TRAPPC2L: variants seen among roughly 807,000 people sequenced by gnomAD.
The protein encoded by TRAPPC2L is trafficking protein particle complex subunit 2L.
Under a neutral mutation model 13.2 loss-of-function variants are expected in TRAPPC2L, and 17 were observed. That is an observed-to-expected ratio of 1.29 (90% CI 0.88 to 1.93). The LOEUF is 1.93. TRAPPC2L is among the 30% of genes most tolerant of loss of function. TRAPPC2L has a pLI of 0.00. For synonymous variants in TRAPPC2L, 150 were observed against 98.1 expected (o/e 1.53, Z -3.12); for missense variants, 359 against 252.1 (o/e 1.42, Z -2.87).
exon 4 of TRAPPC2L, chr16:88,861,844 C>A (rs1406378745): frequency 5.9e-6 from 2 of 338,972 alleles, no homozygotes; most frequent in Non-Finnish European, 1.2e-5. Flanking sequence ...GGGGGGTCAG[C>A]CTAGGGCAGG....
At chr16:88,856,581 A>AC (rs113289677), upstream of TRAPPC2L, 205,879 of 490,022 alleles carry the variant, frequency 0.42, 41,637 homozygotes, top group African/African-American at 0.66. Context: ...GCACGGGGAT[A>AC]CCCCCCGTCC....
chr16:88,856,426 G>C, upstream of TRAPPC2L: 1 of 700,992 alleles, frequency 1.4e-6, no homozygotes, highest in South Asian at 1.5e-5. Context: ...GGGAGGCAGG[G>C]CCCGGTAGCA....
rs946828508 is a variant in TRAPPC2L at position 88,858,855 on chromosome 16, A to G, written c.206+64A>G. On this transcript the variant is annotated intron_variant, in intron 2 of 3. Coordinates refer to ENST00000565504, the Ensembl canonical transcript of TRAPPC2L. Reference sequence around the variant, plus strand: ...CAGTTGCAAGATGTACTTTAGGATCAGATAACTTGAAACCTTTTAGAAGAA... The same window carrying G: ...CAGTTGCAAGATGTACTTTAGGATCGGATAACTTGAAACCTTTTAGAAGAA... 1.1e-5 allele frequency: 17 copies of G among 1,525,120 alleles called. No homozygotes were observed. In the African/African-American group the frequency reaches 2.2e-4, roughly 20 times the overall value. The allele number at this position is 1,525,120 out of a possible 1,614,324, so 94.5% of individuals were successfully genotyped here.
In TRAPPC2L at chr16:88,859,278, A is replaced by G. The variant is rs1039828760; in HGVS notation, c.207-385A>G. 29 of 583,534 alleles carry G rather than the reference A, an allele frequency of 5.0e-5. 1 individual carries two copies. In the Middle Eastern group the frequency reaches 2.6e-3, roughly 53 times the overall value. 36.1% of individuals were successfully genotyped at this position (583,534 alleles called of 1,614,324 possible). A position where few individuals can be genotyped will look rare whatever the true frequency, so the allele number is the denominator to read the frequency against. On this transcript the variant is annotated intron_variant, in intron 2 of 3. Coordinates refer to ENST00000565504, the Ensembl canonical transcript of TRAPPC2L. ...ATGGTGACATTTGCTAGTAGCCACT[A>G]TTTTACAAAATAATGTGGCCTCTAG...
chr16:88,857,545 C>T (rs1012819472), intron 1 of TRAPPC2L: 2 of 304,104 alleles, frequency 6.6e-6, no homozygotes, highest in East Asian at 5.6e-5. Flanking sequence ...GGCCCCGGCC[C>T]TCCTGCCAGT....
chr16:88,860,342 G>T (rs1474282230), exon 4 of TRAPPC2L: 1 of 674,462 alleles, frequency 1.5e-6, no homozygotes, highest in Admixed American at 2.2e-5. Context: ...TGTTGAATTT[G>T]GAACAGTCAG....
At chr16:88,858,633 C>T in exon 2 of TRAPPC2L, 1 of 1,613,004 alleles carries the variant, frequency 6.2e-7, no homozygotes, top group East Asian at 2.2e-5. Flanking sequence ...ACCCCCTCTA[C>T]ATTCGCAGCA....
exon 4 of TRAPPC2L, chr16:88,860,238 G>A (rs573284299): frequency 2.8e-6 from 2 of 702,758 alleles, no homozygotes; most frequent in African/African-American, 3.5e-5. Flanking sequence ...GGTGTGCCCA[G>A]TGGGTACCTG....
Position 88,860,973 on chromosome 16 carries a change from C to T in TRAPPC2L, c.*649C>T, listed in dbSNP as rs201159776. ...CAGGTGTGCTGAGTGAGCTGTGCTG[C>T]CAGCCATCGCAGAGGAGCCCGCGCA... On this transcript the variant is annotated 3_prime_UTR_variant, in exon 4 of 4. Coordinates refer to ENST00000565504, the Ensembl canonical transcript of TRAPPC2L. The T allele has an allele frequency of 2.1e-4, 335 of 1,579,474 alleles. 1 individual carries two copies. Among genetic ancestry groups the T allele is most frequent in the South Asian group, 3.1e-4 (27 of 86,346 alleles).
At chr16:88,856,525 C>T (rs1293461829), upstream of TRAPPC2L, 1 of 696,570 alleles carries the variant, frequency 1.4e-6, no homozygotes, top group Non-Finnish European at 2.6e-6. Context: ...GCCGAGACCC[C>T]ACGCCTGGAC....
exon 4 of TRAPPC2L, chr16:88,860,985 G>T (rs1046540): frequency 1.3e-6 from 2 of 1,571,244 alleles, no homozygotes; most frequent in African/African-American, 2.7e-5. Flanking sequence ...AGCCATCGCA[G>T]AGGAGCCCGC....
In TRAPPC2L at chr16:88,859,959, C is replaced by CAGTCCAGGTGGGCCCTACTTTCTGTGTCT. The variant is rs1555527143; in HGVS notation, c.361_362insAGTCCAGGTGGGCCCTACTTTCTGTGTCT (p.Arg121GlnfsTer28). On this transcript the variant is annotated frameshift_variant, in exon 4 of 4. Coordinates refer to ENST00000565504, the Ensembl canonical transcript of TRAPPC2L. LOFTEE classifies it low-confidence loss of function (END_TRUNC). The stretch of plus-strand genomic sequence containing the variant: ...CAACCCCTTCTACAACCCGGGGGAC[C>CAGTCCAGGTGGGCCCTACTTTCTGTGTCT]GCATCCAGTCCAGGTGGGCCCTACT... 1 of 1,526,908 alleles carries CAGTCCAGGTGGGCCCTACTTTCTGTGTCT rather than the reference C, an allele frequency of 6.5e-7. No individual in the cohort carries two copies. Among genetic ancestry groups the CAGTCCAGGTGGGCCCTACTTTCTGTGTCT allele is most frequent in the African/African-American group, 2.1e-5 (1 of 47,254 alleles). The allele number at this position is 1,526,908 out of a possible 1,614,324, so 94.6% of individuals were successfully genotyped here.
exon 4 of TRAPPC2L, chr16:88,859,899 C>T (rs781196424): frequency 6.3e-6 from 10 of 1,595,664 alleles, no homozygotes; most frequent in African/African-American, 2.7e-5. Context: ...TCAGATGTTC[C>T]GGAAGCTACA....
At chr16:88,856,301 C>A (rs763868270), upstream of TRAPPC2L, 47 of 702,764 alleles carry the variant, frequency 6.7e-5, no homozygotes, top group Non-Finnish European at 8.1e-5. Flanking sequence ...GGGAGTGATT[C>A]CTAGGGCGAC....
chr16:88,857,227 G>T (rs768250827), intron 1 of TRAPPC2L, 44 bp downstream of exon 1: 2 of 1,461,768 alleles, frequency 1.4e-6, no homozygotes, highest in Non-Finnish European at 1.8e-6. Flanking sequence ...CACCATCCTC[G>T]GCTCTCCGCT....
exon 4 of TRAPPC2L, chr16:88,860,244 A>T: frequency 1.4e-6 from 1 of 702,394 alleles, no homozygotes; most frequent in Non-Finnish European, 2.6e-6. Context: ...CCCAGTGGGT[A>T]CCTGGGGCAC....
chr16:88,857,532 G>T (rs1256588284), intron 1 of TRAPPC2L: 2 of 311,158 alleles, frequency 6.4e-6, no homozygotes, highest in African/African-American at 4.3e-5. Flanking sequence ...CCCCGCGGAC[G>T]GCGGCCCCGG....
chr16:88,859,605 G>C, intron 2 of TRAPPC2L, 58 bp from the exon 3 acceptor site: 2 of 1,520,714 alleles, frequency 1.3e-6, no homozygotes, highest in Non-Finnish European at 1.8e-6. Context: ...AGGGCCCACA[G>C]AGGGCCCTCC....
chr16:88,856,916 G>A (rs1319800035), upstream of TRAPPC2L: 18 of 1,486,722 alleles, frequency 1.2e-5, no homozygotes, highest in Admixed American at 1.1e-4. Context: ...CCAGCGAGCC[G>A]ACCTAGCGAG....
Sources: allele counts gnomAD v4.1 joint callset, GRCh38; gene constraint gnomAD v4.1.1; transcripts MANE v1.5; gene names NCBI Gene and HGNC (gene_info 2026-07-23, HGNC 2026-07-21).